The following PTPN4 variants were observed in gnomAD, a reference collection of about 807,000 sequenced individuals.
PTPN4 encodes protein tyrosine phosphatase non-receptor type 4.
In PTPN4, 49 loss-of-function variants were observed where a neutral mutation model predicts 135.5. That is an observed-to-expected ratio of 0.36 (90% confidence interval 0.29 to 0.46). The LOEUF (loss-of-function observed/expected upper bound fraction) is 0.46, where lower values mean the gene tolerates loss of function less well. PTPN4 is among the 20% of genes least tolerant of loss of function. PTPN4 has a pLI of 1.00. For missense variants in PTPN4, 860 were observed against 1,101.0 expected, an observed-to-expected ratio of 0.78 and a Z score of 3.10; for synonymous variants, 333 against 369.9, an observed-to-expected ratio of 0.90 and a Z score of 1.14.
chr2:119,953,607 T>C (rs533157826), intron 19 of PTPN4, among the ~76,000 whole-genome samples: 1 of 152,320 alleles, frequency 6.6e-6, no homozygotes, highest in East Asian at 1.9e-4. Flanking sequence ...ATAACATTTT[T>C]TTCTGTATTT....
At chr2:119,761,183 CA>C (rs1279897382) in intron 1 of PTPN4, among the ~76,000 whole-genome samples, 4 of 152,104 alleles carry the variant, frequency 2.6e-5, no homozygotes, top group African/African-American at 4.8e-5. Flanking sequence ...CCAGTTGAAA[CA>C]GTACAGCTGA....
At chr2:119,918,758 T>C (rs1337758024) in intron 11 of PTPN4, among the ~76,000 whole-genome samples, 1 of 152,244 alleles carries the variant, frequency 6.6e-6, no homozygotes, top group Non-Finnish European at 1.5e-5. Flanking sequence ...AAAATGTGCA[T>C]ATGTGTACAC....
intron 1 of PTPN4, among the ~76,000 whole-genome samples, chr2:119,799,920 A>C (rs1452236854): frequency 6.6e-6 from 1 of 152,166 alleles, no homozygotes; most frequent in Non-Finnish European, 1.5e-5. Context: ...GCAAAATAAA[A>C]ATGCGTTCTT....
At chr2:119,951,105 G>C (rs540672843) in intron 18 of PTPN4, among the ~76,000 whole-genome samples, 2 of 152,300 alleles carry the variant, frequency 1.3e-5, no homozygotes, top group South Asian at 4.1e-4. Flanking sequence ...CCTCCCCGTG[G>C]TACAGCTTAG....
At chr2:119,946,257 A>T in intron 16 of PTPN4, 84 bp from the exon 17 acceptor site, 1 of 1,051,310 alleles carries the variant, frequency 9.5e-7, no homozygotes, top group Non-Finnish European at 1.4e-6. Flanking sequence ...TAATATAAGC[A>T]TACAAAAAAT....
chr2:119,984,681 A>G lies in PTPN4; in HGVS notation c.*7611A>G, dbSNP rs544304644. On this transcript the variant is annotated 3_prime_UTR_variant, in exon 27 of 27. Coordinates refer to ENST00000263708, the MANE Select transcript of PTPN4 (RefSeq NM_002830.4). ...TAGAATTTCTGCCATTCATGTACAAAAAAATTACAACTACAGCAAACAAGA... is the reference window on the plus strand; with the variant it reads ...TAGAATTTCTGCCATTCATGTACAAGAAAATTACAACTACAGCAAACAAGA... 1.4e-3 allele frequency among the ~76,000 whole-genome samples: 217 copies of G among 152,338 alleles called. No individual in the cohort carries two copies. The highest frequency in any genetic ancestry group is 5.1e-3 in the African/African-American group (213 of 41,584).
chr2:119,794,139 C>T (rs1417496064), intron 1 of PTPN4, among the ~76,000 whole-genome samples: 2 of 152,060 alleles, frequency 1.3e-5, no homozygotes, highest in Non-Finnish European at 2.9e-5. Flanking sequence ...TGAGTCGCTG[C>T]ACCTGGCCAG....
chr2:119,760,733 CT>C (rs59953430), intron 1 of PTPN4, among the ~76,000 whole-genome samples: 4 of 79,906 alleles, frequency 5.0e-5, no homozygotes, highest in African/African-American at 1.0e-4. Flanking sequence ...GGTAGAATTC[CT>C]TTTTTTTTTT....
intron 2 of PTPN4, among the ~76,000 whole-genome samples, chr2:119,842,754 G>A (rs1399232478): frequency 6.6e-6 from 1 of 152,118 alleles, no homozygotes; most frequent in Non-Finnish European, 1.5e-5. Flanking sequence ...CGGCCCAATG[G>A]TAACATCTTC....
chr2:119,804,785 G>T (rs185187931), intron 1 of PTPN4, among the ~76,000 whole-genome samples: 2 of 152,272 alleles, frequency 1.3e-5, no homozygotes, highest in African/African-American at 4.8e-5. Flanking sequence ...AATCCTTTGG[G>T]CATATACCCA....
chr2:119,952,442 A>G (rs556244488), intron 19 of PTPN4, among the ~76,000 whole-genome samples: 57 of 152,240 alleles, frequency 3.7e-4, no homozygotes, highest in Non-Finnish European at 6.5e-4. Context: ...TGATTTTGTT[A>G]TGACTTATAC....
At chr2:119,975,744 A>G (rs1679605877) in intron 26 of PTPN4, among the ~76,000 whole-genome samples, 1 of 152,096 alleles carries the variant, frequency 6.6e-6, no homozygotes, top group Admixed American at 6.6e-5. Context: ...GTCCCTTCAA[A>G]TAGCTCTCCT....
rs373069311 is a variant in PTPN4 at position 119,857,250 on chromosome 2, G to C, written c.139-5286G>C. Among the ~76,000 whole-genome samples the C allele has an allele frequency of 5.9e-5, 9 of 152,196 alleles. No individual in the cohort carries two copies. In the East Asian group the frequency reaches 1.7e-3, roughly 30 times the overall value. ...TGCTTTTCTATTAGAAAAGAAAAGT[G>C]CAGGGCACGGTGGCTCATGCCTGTA... On this transcript the variant is annotated intron_variant, in intron 2 of 26. Transcript: ENST00000263708.
chr2:119,900,706 T>A lies in PTPN4; in HGVS notation c.676-12T>A. Reference sequence around the variant, plus strand: ...TTTAGATTTATCATGTTTTTATTCATTTTTTTTGAAGGATCAGAGTAACAA... The same window carrying A: ...TTTAGATTTATCATGTTTTTATTCAATTTTTTTGAAGGATCAGAGTAACAA... On this transcript the variant is annotated splice_polypyrimidine_tract_variant and intron_variant, in intron 9 of 26. Transcript: ENST00000263708. The A allele has an allele frequency of 7.1e-7, 1 of 1,408,224 alleles. No homozygotes were observed. Among genetic ancestry groups the A allele is most frequent in the Non-Finnish European group, 9.7e-7 (1 of 1,034,328 alleles). The allele number at this position is 1,408,224 out of a possible 1,614,324, so 87.2% of individuals were successfully genotyped here. A position where few individuals can be genotyped will look rare whatever the true frequency, so the allele number is the denominator to read the frequency against.
At chr2:119,905,517 T>C (rs749596544) in intron 10 of PTPN4, among the ~76,000 whole-genome samples, 1 of 152,134 alleles carries the variant, frequency 6.6e-6, no homozygotes, top group Admixed American at 6.5e-5. Context: ...TCCAATACAA[T>C]AGTAGTTGGG....
In PTPN4 at chr2:119,983,821, C is replaced by T. The variant is rs895346443; in HGVS notation, c.*6751C>T. 13 of 152,168 alleles carry T rather than the reference C, an allele frequency of 8.5e-5. No individual in the cohort carries two copies. Among genetic ancestry groups the T allele is most frequent in the African/African-American group, 3.1e-4 (13 of 41,446 alleles). The allele number at this position is 152,168 out of a possible 1,614,324, so 9.4% of individuals were successfully genotyped here. A position where few individuals can be genotyped will look rare whatever the true frequency, so the allele number is the denominator to read the frequency against. On this transcript the variant is annotated 3_prime_UTR_variant, in exon 27 of 27. Coordinates refer to ENST00000263708, the MANE Select transcript of PTPN4 (RefSeq NM_002830.4). The stretch of plus-strand genomic sequence containing the variant: ...AACCAGTTGACTGTGTTACTGGACT[C>T]TGAGTTCTCACAGCTAGTTTCATCT...
chr2:119,765,357 T>G (rs1180982811), intron 1 of PTPN4, among the ~76,000 whole-genome samples: 3 of 152,208 alleles, frequency 2.0e-5, no homozygotes, highest in African/African-American at 7.2e-5. Flanking sequence ...TGTTAAGCGG[T>G]TTTTTGTTTA....
intron 1 of PTPN4, among the ~76,000 whole-genome samples, chr2:119,766,459 T>TTC (rs1558718916): frequency 7.1e-6 from 1 of 140,848 alleles, no homozygotes; most frequent in African/African-American, 2.8e-5. Flanking sequence ...CGTGTGTGTG[T>TTC]GTGTGTGTGT....
intron 3 of PTPN4, among the ~76,000 whole-genome samples, chr2:119,874,646 A>G (rs1443928527): frequency 6.6e-6 from 1 of 152,190 alleles, no homozygotes; most frequent in East Asian, 1.9e-4. Context: ...GCGAATAGGT[A>G]CAAGATTACC....
Sources: allele counts gnomAD v4.1 joint callset (sites outside exome capture counted in the v4.1 genomes callset), GRCh38; gene constraint gnomAD v4.1.1; transcripts MANE v1.5; gene names NCBI Gene and HGNC (gene_info 2026-07-23, HGNC 2026-07-21).